The following PHF11 variants were observed in gnomAD, a reference collection of about 807,000 sequenced individuals.
PHF11 encodes PHD finger protein 11.
PHF11 carries 38 observed loss-of-function variants against 40.5 expected under a neutral mutation model. That is an observed-to-expected ratio of 0.94 (90% CI 0.72 to 1.23). The LOEUF is 1.23. Among genes scored for constraint, PHF11 ranks in the 50% most tolerant of loss-of-function variants. The probability of loss-of-function intolerance (pLI) is 0.00; values close to 1 mark genes in which losing one functional copy is unlikely to be tolerated. For missense variants in PHF11, 369 were observed against 392.4 expected (o/e 0.94, Z 0.50); for synonymous variants, 127 against 138.2 (o/e 0.92, Z 0.57).
intron 9 of PHF11, 67 bp downstream of exon 9, chr13:49,526,525 T>C: frequency 2.3e-6 from 2 of 860,336 alleles, no homozygotes; most frequent in Non-Finnish European, 4.0e-6. Context: ...ATTGAAACAA[T>C]ATACTGTACA....
At chr13:49,500,668 G>A (rs1958887812) in intron 1 of PHF11, among the ~76,000 whole-genome samples, 1 of 152,134 alleles carries the variant, frequency 6.6e-6, no homozygotes, top group African/African-American at 2.4e-5. Flanking sequence ...GGGAGAACCT[G>A]TGGGTCCCAC....
At chr13:49,521,993 G>C in intron 5 of PHF11, 50 bp from the exon 6 acceptor site, 1 of 908,588 alleles carries the variant, frequency 1.1e-6, no homozygotes, top group Admixed American at 1.9e-5. Context: ...TAGTCAAACA[G>C]TAATCTTTTC....
intron 4 of PHF11, among the ~76,000 whole-genome samples, chr13:49,520,200 C>A (rs1421153140): frequency 6.6e-6 from 1 of 152,148 alleles, no homozygotes; most frequent in African/African-American, 2.4e-5. Context: ...AGGCACGTGC[C>A]ACCATGCCCA....
rs749957964 is a variant in PHF11 at position 49,520,982 on chromosome 13, T to C, written c.505+42T>C. 4 of 1,524,788 alleles carry C rather than the reference T, an allele frequency of 2.6e-6. No individual in the cohort carries two copies. The Admixed American group carries it at 7.7e-5, about 29-fold the overall frequency. The allele number at this position is 1,524,788 out of a possible 1,614,324, so 94.5% of individuals were successfully genotyped here. A position where few individuals can be genotyped will look rare whatever the true frequency, so the allele number is the denominator to read the frequency against. ...TAGCACTGTGGGTTTTAAAGAAAGG[T>C]AAACATTTATGTAACATAAGGAATA... On this transcript the variant is annotated intron_variant, in intron 5 of 9. Coordinates refer to ENST00000378319, the MANE Select transcript of PHF11 (RefSeq NM_001040443.3).
At chr13:49,515,703 G>T (rs112853995) in intron 3 of PHF11, among the ~76,000 whole-genome samples, 1 of 152,002 alleles carries the variant, frequency 6.6e-6, no homozygotes, top group South Asian at 2.1e-4. Context: ...CACCCATCTT[G>T]TTCTCTAAAG....
intron 9 of PHF11, among the ~76,000 whole-genome samples, chr13:49,527,621 C>T (rs1284104496): frequency 6.6e-6 from 1 of 152,084 alleles, no homozygotes; most frequent in East Asian, 1.9e-4. Context: ...TAATATATAG[C>T]AGTATCCATA....
intron 1 of PHF11, among the ~76,000 whole-genome samples, chr13:49,496,771 G>C (rs1176362400): frequency 6.6e-6 from 1 of 150,390 alleles, no homozygotes; most frequent in Admixed American, 6.6e-5. Flanking sequence ...ACAGATGAGA[G>C]ACTCCTGACT....
intron 1 of PHF11, 64 bp from the exon 2 acceptor site, chr13:49,506,571 A>G (rs897775469): frequency 4.9e-5 from 73 of 1,482,116 alleles, no homozygotes; most frequent in Non-Finnish European, 5.9e-5. Flanking sequence ...TGAAGACTGG[A>G]AGAGGAGTTA....
At chr13:49,527,888 T>A (rs1031455699) in intron 9 of PHF11, among the ~76,000 whole-genome samples, 11 of 152,230 alleles carry the variant, frequency 7.2e-5, no homozygotes, top group Non-Finnish European at 1.6e-4. Flanking sequence ...TTACTCATAT[T>A]TTAAGTTAAC....
chr13:49,496,323 G>C (rs1458013357), intron 1 of PHF11: 22 of 937,916 alleles, frequency 2.3e-5, no homozygotes, highest in Non-Finnish European at 3.0e-5. Flanking sequence ...AGTTCCACAG[G>C]TGGCTCTGAC....
At position 49,506,629 on chromosome 13, in the gene PHF11, T is replaced by C; in HGVS notation, c.95-6T>C. 6.2e-7 allele frequency: 1 copy of C among 1,613,174 alleles called. No individual in the cohort carries two copies. Among genetic ancestry groups the C allele is most frequent in the Non-Finnish European group, 8.5e-7 (1 of 1,179,504 alleles). ...TTCCATTTCTCACCAGGGATATTACTTATAGGTGTCTTTCAGGTTGCAGAA... is the reference window on the plus strand; with the variant it reads ...TTCCATTTCTCACCAGGGATATTACCTATAGGTGTCTTTCAGGTTGCAGAA... On this transcript the variant is annotated splice_polypyrimidine_tract_variant and splice_region_variant and intron_variant, in intron 1 of 9. Coordinates refer to ENST00000378319, the MANE Select transcript of PHF11 (RefSeq NM_001040443.3).
chr13:49,515,733 G>A lies in PHF11; in HGVS notation c.325-2285G>A, dbSNP rs149634535. ...CTAAAGCGAGTACTGACACTCGCCC[G>A]ACTGTCTCTCCTGCCATCCCTACCC... On this transcript the variant is annotated intron_variant, in intron 3 of 9. Transcript: ENST00000378319. Among the ~76,000 whole-genome samples, 14 of 152,118 alleles carry A rather than the reference G, an allele frequency of 9.2e-5. No homozygotes were observed. In the East Asian group the frequency reaches 2.3e-3, roughly 25 times the overall value.
chr13:49,506,681 C>G lies in PHF11; in HGVS notation c.141C>G (p.Leu47=). The G allele has an allele frequency of 1.2e-6, 2 of 1,609,892 alleles. No individual in the cohort carries two copies. Among genetic ancestry groups the G allele is most frequent in the African/African-American group, 2.7e-5 (2 of 74,956 alleles). ...AGATGGAAAAAAGGACATGTGCACT[C>G]TGCCCCAAAGATGTCGAATATAATG... is the stretch of plus-strand genomic sequence containing the variant. ...AEKMEKRTCA[L]CPKDVEYNVL... The change falls in exon 2 of 10, where the codon CTC becomes CTG. Residue 47 remains leucine (L), a synonymous_variant. Coordinates refer to ENST00000378319, the MANE Select transcript of PHF11 (RefSeq NM_001040443.3).
chr13:49,524,055 T>C, intron 7 of PHF11, 30 bp from the exon 8 acceptor site: 1 of 1,589,652 alleles, frequency 6.3e-7, no homozygotes, highest in Non-Finnish European at 8.6e-7. Flanking sequence ...CTAAGACTAT[T>C]TCCTTCTCAA....
intron 4 of PHF11, chr13:49,518,761 T>G (rs1215943741): frequency 6.6e-6 from 1 of 152,178 alleles, no homozygotes; most frequent in African/African-American, 2.4e-5. Context: ...GCCACCTTGT[T>G]GTCTTCAGGT....
chr13:49,521,150 TGAACC>T (rs1464509153), intron 5 of PHF11: 7 of 1,230,378 alleles, frequency 5.7e-6, no homozygotes, highest in Non-Finnish European at 3.0e-6. Flanking sequence ...CTATTCTCTT[TGAACC>T]ATTCCCTGGT....
At chr13:49,519,989 G>C (rs1959179822) in intron 4 of PHF11, among the ~76,000 whole-genome samples, 1 of 152,178 alleles carries the variant, frequency 6.6e-6, no homozygotes, top group African/African-American at 2.4e-5. Context: ...GGGTGCCGAG[G>C]AGGAGGAAAG....
At chr13:49,523,899 G>T in intron 7 of PHF11, 186 bp from the exon 8 acceptor site, 1 of 376,840 alleles carries the variant, frequency 2.7e-6, no homozygotes, top group African/African-American at 2.1e-5. Flanking sequence ...TTTATTCATT[G>T]TTTCAGCTGG....
chr13:49,521,341 G>C (rs775325389), intron 5 of PHF11: 12 of 990,408 alleles, frequency 1.2e-5, no homozygotes, highest in African/African-American at 3.5e-5. Context: ...TTCTAATTAA[G>C]GCAGACTGGA....
Sources: allele counts gnomAD v4.1 joint callset (sites outside exome capture counted in the v4.1 genomes callset), GRCh38; gene constraint gnomAD v4.1.1; transcripts MANE v1.5; gene names NCBI Gene and HGNC (gene_info 2026-07-23, HGNC 2026-07-21).